CHD6: variants seen among roughly 807,000 people sequenced by gnomAD.
CHD6 encodes chromodomain helicase DNA binding protein 6.
Under a neutral mutation model 276.9 loss-of-function variants are expected in CHD6, and 50 were observed. The observed-to-expected ratio is 0.18, with a 90% CI of 0.14 to 0.23. CHD6 has a LOEUF of 0.23. Ranked by LOEUF, CHD6 falls within the 10% of genes least tolerant of loss-of-function variation. The pLI is 1.00. For missense variants in CHD6, 2,564 were observed against 3,365.8 expected, an observed-to-expected ratio of 0.76 and a Z score of 5.89; for synonymous variants, 1,173 against 1,229.3, an observed-to-expected ratio of 0.95 and a Z score of 0.96.
intron 17 of CHD6, chr20:41,462,071 G>C (rs1453298997): frequency 6.6e-6 from 1 of 152,186 alleles, no homozygotes; most frequent in Non-Finnish European, 1.5e-5. Context: ...CCTGCTACTA[G>C]GGATGATCAT....
chr20:41,499,848 T>C (rs1175852142), intron 5 of CHD6, among the ~76,000 whole-genome samples: 1 of 152,194 alleles, frequency 6.6e-6, no homozygotes, highest in East Asian at 1.9e-4. Context: ...ATAGTATTAC[T>C]ATTGGAAAAA....
At position 41,522,606 on chromosome 20, in the gene CHD6, C is replaced by T. The variant is rs565059945; in HGVS notation, c.555-7654G>A. On this transcript the variant is annotated intron_variant, in intron 3 of 36. Transcript: ENST00000373233. The stretch of plus-strand genomic sequence containing the variant: ...TGTATTTAGGGACAAAAAGGCCTGA[C>T]ATACGTAACTTGTTTGCAACTGGTT... Among the ~76,000 whole-genome samples, 11 of 152,192 alleles carry T rather than the reference C, an allele frequency of 7.2e-5. No homozygotes were observed. The East Asian group carries it at 2.1e-3, about 29-fold the overall frequency.
At chr20:41,568,736 T>C (rs2045385565) in intron 1 of CHD6, among the ~76,000 whole-genome samples, 1 of 152,240 alleles carries the variant, frequency 6.6e-6, no homozygotes, top group Non-Finnish European at 1.5e-5. Flanking sequence ...CTGACACAAA[T>C]TCCTTCCATT....
At chr20:41,494,925 CT>C (rs1187270462) in intron 8 of CHD6, among the ~76,000 whole-genome samples, 5 of 152,112 alleles carry the variant, frequency 3.3e-5, no homozygotes, top group African/African-American at 1.2e-4. Flanking sequence ...TAAATTATAA[CT>C]TAACTTCCTT....
At chr20:41,417,080 A>T in intron 32 of CHD6, 118 bp downstream of exon 32, 1 of 936,366 alleles carries the variant, frequency 1.1e-6, no homozygotes, top group Non-Finnish European at 1.6e-6. Context: ...AATATCTTTT[A>T]AAGGTATTAA....
At chr20:41,488,374 C>T (rs1174539276) in intron 13 of CHD6, 54 bp downstream of exon 13, 17 of 1,485,426 alleles carry the variant, frequency 1.1e-5, no homozygotes, top group Non-Finnish European at 1.5e-5. Context: ...AGAGTGTTTC[C>T]TCCAAGCTGA....
At chr20:41,607,779 A>C (rs1272268942) in intron 1 of CHD6, among the ~76,000 whole-genome samples, 2 of 151,820 alleles carry the variant, frequency 1.3e-5, no homozygotes, top group Non-Finnish European at 2.9e-5. Context: ...AAAAAAAAAA[A>C]AAACACCTCA....
intron 2 of CHD6, among the ~76,000 whole-genome samples, chr20:41,534,163 G>A (rs6072407): frequency 0.27 from 41,377 of 152,092 alleles, 6,170 homozygotes; most frequent in Non-Finnish European, 0.34. Flanking sequence ...GGTGATAGTC[G>A]GTAACAATGT....
intron 10 of CHD6, among the ~76,000 whole-genome samples, chr20:41,492,776 C>A (rs2043586664): frequency 1.3e-5 from 2 of 152,322 alleles, no homozygotes; most frequent in South Asian, 4.1e-4. Flanking sequence ...CAAAAATTAG[C>A]CAGGCGTGGT....
At chr20:41,453,205 G>A (rs894995185) in intron 20 of CHD6, among the ~76,000 whole-genome samples, 12 of 152,114 alleles carry the variant, frequency 7.9e-5, no homozygotes, top group East Asian at 5.8e-4. Context: ...CATTCTACCC[G>A]GGGTGTGGGC....
chr20:41,499,273 G>C (rs1174074395), intron 6 of CHD6, 22 bp downstream of exon 6: 1 of 1,576,986 alleles, frequency 6.3e-7, no homozygotes, highest in Non-Finnish European at 8.6e-7. Context: ...TGATATAAAA[G>C]CTAGAAACAT....
chr20:41,510,565 G>A (rs6065365), intron 5 of CHD6, among the ~76,000 whole-genome samples: 53,826 of 152,058 alleles, frequency 0.35, 12,367 homozygotes, highest in African/African-American at 0.63. Context: ...TCTAATTTAT[G>A]TTTCTCCATA....
At position 41,452,728 on chromosome 20, in the gene CHD6, G is replaced by C. The variant is rs779350227; in HGVS notation, c.3323+12C>G. On this transcript the variant is annotated intron_variant, in intron 21 of 36. Coordinates refer to ENST00000373233, the MANE Select transcript of CHD6 (RefSeq NM_032221.5). This position sits in a 1 kb window ranked among gnomAD's most constrained non-coding sequence, Gnocchi z 4.2. Reference sequence around the variant, plus strand: ...AACAATAACAACAAAACTAAGCAGAGCCAATACCCACCCAAAGATGAGCAG... The same window carrying C: ...AACAATAACAACAAAACTAAGCAGACCCAATACCCACCCAAAGATGAGCAG... 60 of 1,610,556 alleles carry C rather than the reference G, an allele frequency of 3.7e-5. No individual in the cohort carries two copies. The highest frequency in any genetic ancestry group is 5.0e-5 in the Non-Finnish European group (59 of 1,178,138).
chr20:41,429,820 T>TCC (rs1769639438), intron 27 of CHD6, among the ~76,000 whole-genome samples: 1 of 151,842 alleles, frequency 6.6e-6, no homozygotes, highest in South Asian at 2.1e-4. Flanking sequence ...CCCCATGAAC[T>TCC]CCCCCCTGAC....
chr20:41,417,380 C>T (rs1363141905), intron 31 of CHD6, 31 bp from the exon 32 acceptor site: 1 of 1,600,142 alleles, frequency 6.2e-7, no homozygotes, highest in Non-Finnish European at 8.5e-7. Flanking sequence ...TAATCAGGCA[C>T]TTAACTATAG....
intron 2 of CHD6, among the ~76,000 whole-genome samples, chr20:41,540,682 G>C (rs2044924082): frequency 6.6e-6 from 1 of 152,206 alleles, no homozygotes; most frequent in African/African-American, 2.4e-5. Flanking sequence ...AACCCAAGTA[G>C]TGAGCAAGGC....
chr20:41,445,489 T>C (rs1384114818), intron 25 of CHD6, among the ~76,000 whole-genome samples, 176 bp downstream of exon 25: 1 of 152,222 alleles, frequency 6.6e-6, no homozygotes, highest in Non-Finnish European at 1.5e-5. Context: ...TTGTGAGCCA[T>C]ACATTCATCT....
chr20:41,604,015 A>C (rs76246875), intron 1 of CHD6, among the ~76,000 whole-genome samples: 18,621 of 100,912 alleles, frequency 0.18, 1,410 homozygotes, highest in South Asian at 0.26. Context: ...TTTGTATAGG[A>C]AGGGTGGGGG....
At chr20:41,521,115 G>C (rs2044382577) in intron 3 of CHD6, among the ~76,000 whole-genome samples, 1 of 152,142 alleles carries the variant, frequency 6.6e-6, no homozygotes, top group Non-Finnish European at 1.5e-5. Flanking sequence ...TAGGAAATCT[G>C]TTAAAGTTCT....
Sources: allele counts gnomAD v4.1 joint callset (sites outside exome capture counted in the v4.1 genomes callset), GRCh38; gene constraint gnomAD v4.1.1; non-coding constraint Gnocchi (gnomAD v3.1); transcripts MANE v1.5; gene names NCBI Gene and HGNC (gene_info 2026-07-23, HGNC 2026-07-21).